Variants in KPNA5 observed in about 807,000 individuals in gnomAD.
KPNA5 encodes karyopherin subunit alpha 5, also known as importin subunit alpha-6.
A neutral mutation model predicts 71.3 loss-of-function variants in KPNA5; 46 were observed. The ratio of observed to expected loss-of-function variants is 0.65; its 90% CI spans 0.51 to 0.83. The LOEUF is 0.83. KPNA5 is among the 40% of genes least tolerant of loss of function. The pLI, the probability that KPNA5 is intolerant of heterozygous loss-of-function variation, is 0.00. For synonymous variants in KPNA5, 207 were observed against 201.4 expected, an observed-to-expected ratio of 1.03 and a Z score of -0.24; for missense variants, 547 against 628.3, an observed-to-expected ratio of 0.87 and a Z score of 1.38.
rs745858433 is a variant in KPNA5, at chr6:116,692,300, T to C, written c.248T>C (p.Val83Ala). The change falls in exon 4 of 14, where the codon GTT (valine) becomes GCT (alanine). Residue 83 changes from valine to alanine, a missense_variant. Coordinates refer to ENST00000368564, the MANE Select transcript of KPNA5 (RefSeq NM_001366306.2). ...SSTVPIPEEE[V>A]VTTDMVQMIF... Reference sequence around the variant, plus strand: ...TTTGTGTGTGTGTTTTAGGAAGAAGTTGTTACTACAGATATGGTTCAGATG... The same window carrying C: ...TTTGTGTGTGTGTTTTAGGAAGAAGCTGTTACTACAGATATGGTTCAGATG... The C allele has an allele frequency of 1.3e-6, 2 of 1,583,876 alleles. No individual in the cohort carries two copies. The highest frequency in any genetic ancestry group is 1.8e-5 in the Admixed American group (1 of 55,384).
At chr6:116,699,195 A>T (rs1778140955) in intron 5 of KPNA5, among the ~76,000 whole-genome samples, 1 of 152,178 alleles carries the variant, frequency 6.6e-6, no homozygotes, top group African/African-American at 2.4e-5. Context: ...TTTTCAAAAC[A>T]GAATAAATTA....
In KPNA5 at chr6:116,738,090, T is replaced by C. The variant is rs1779735523; in HGVS notation, c.*5767T>C. The C allele has an allele frequency of 2.0e-5, 3 of 151,882 alleles. No homozygotes were observed. In the South Asian group the frequency reaches 6.2e-4, roughly 31 times the overall value. 9.4% of individuals were successfully genotyped at this position (151,882 alleles called of 1,614,324 possible). A position where few individuals can be genotyped will look rare whatever the true frequency, so the allele number is the denominator to read the frequency against. ...TGATTTATTCGTGACCTATGAAAAT[T>C]GACAGACCGTTAGCAAGACTAATAA... On this transcript the variant is annotated 3_prime_UTR_variant, in exon 14 of 14. Transcript: ENST00000368564.
chr6:116,703,388 G>A (rs1356855023), intron 6 of KPNA5, among the ~76,000 whole-genome samples: 2 of 151,654 alleles, frequency 1.3e-5, no homozygotes, highest in African/African-American at 4.8e-5. Context: ...TCAGCCTTCC[G>A]AGTAGCTGGG....
intron 8 of KPNA5, among the ~76,000 whole-genome samples, chr6:116,721,256 A>G (rs139708809): frequency 1.4e-3 from 208 of 152,374 alleles, no homozygotes; most frequent in Admixed American, 2.9e-3. Flanking sequence ...AAAATATTAG[A>G]ACATTTAAGA....
chr6:116,728,189 T>C (rs192778306), intron 12 of KPNA5, among the ~76,000 whole-genome samples: 61 of 152,232 alleles, frequency 4.0e-4, no homozygotes, highest in South Asian at 8.3e-4. Context: ...CTTCCTTTGT[T>C]CTATTTTGTA....
intron 6 of KPNA5, among the ~76,000 whole-genome samples, chr6:116,703,483 G>A (rs961873254): frequency 1.8e-4 from 28 of 151,890 alleles, no homozygotes; most frequent in African/African-American, 6.8e-4. Context: ...GGCTGGTTTC[G>A]AACTCCTGAC....
rs1382690121 is a variant in KPNA5, at chr6:116,739,165, A to C, written c.*6842A>C. 6.6e-6 allele frequency: 1 copy of C among 152,254 alleles called. No individual in the cohort carries two copies. Among genetic ancestry groups the C allele is most frequent in the Non-Finnish European group, 1.5e-5 (1 of 68,062 alleles). 9.4% of individuals were successfully genotyped at this position (152,254 alleles called of 1,614,324 possible). A position where few individuals can be genotyped will look rare whatever the true frequency, so the allele number is the denominator to read the frequency against. ...CAACTTCAGCAAAGTCTCAGGATACAAAATCAATGTACAAAAATCACAAGA... is the reference window on the plus strand; with the variant it reads ...CAACTTCAGCAAAGTCTCAGGATACCAAATCAATGTACAAAAATCACAAGA... On this transcript the variant is annotated 3_prime_UTR_variant, in exon 14 of 14. Coordinates refer to ENST00000368564, the MANE Select transcript of KPNA5 (RefSeq NM_001366306.2).
chr6:116,731,895 A>G (rs1264174860), intron 13 of KPNA5, among the ~76,000 whole-genome samples: 2 of 151,584 alleles, frequency 1.3e-5, no homozygotes, highest in East Asian at 1.9e-4. Flanking sequence ...TCCCAGGCCT[A>G]TGGTCCTTCT....
chr6:116,723,649 C>T (rs1285234651), intron 9 of KPNA5, among the ~76,000 whole-genome samples: 3 of 151,884 alleles, frequency 2.0e-5, no homozygotes, highest in Non-Finnish European at 4.4e-5. Context: ...ATATGAAACC[C>T]ATAAGTCCAC....
chr6:116,691,061 T>C (rs1050699337), intron 2 of KPNA5, among the ~76,000 whole-genome samples: 3 of 152,090 alleles, frequency 2.0e-5, no homozygotes, highest in African/African-American at 7.2e-5. Flanking sequence ...AAACCCCGTC[T>C]CTACTAAAAA....
chr6:116,692,509 T>G (rs1050045588), intron 4 of KPNA5, 117 bp downstream of exon 4: 6 of 657,332 alleles, frequency 9.1e-6, no homozygotes, highest in Non-Finnish European at 1.6e-5. Context: ...AGGTGTTATA[T>G]TCTCTGCAAA....
intron 13 of KPNA5, among the ~76,000 whole-genome samples, chr6:116,730,719 T>C (rs931255484): frequency 1.3e-5 from 2 of 152,180 alleles, no homozygotes; most frequent in African/African-American, 4.8e-5. Flanking sequence ...ACTCAGCAGA[T>C]GTAAAATAGT....
chr6:116,721,644 A>G (rs568205638), intron 8 of KPNA5, among the ~76,000 whole-genome samples: 1 of 152,304 alleles, frequency 6.6e-6, no homozygotes, highest in Admixed American at 6.5e-5. Context: ...ATAGTTTATT[A>G]ATGACTTCCA....
chr6:116,694,023 G>C (rs1374830561), intron 4 of KPNA5, among the ~76,000 whole-genome samples: 1 of 152,156 alleles, frequency 6.6e-6, no homozygotes, highest in African/African-American at 2.4e-5. Context: ...TTTTTGTCAG[G>C]TTTGTCAAAG....
intron 3 of KPNA5, 48 bp from the exon 4 acceptor site, chr6:116,692,245 C>T (rs1286055072): frequency 7.0e-7 from 1 of 1,422,906 alleles, no homozygotes; most frequent in Non-Finnish European, 9.8e-7. Flanking sequence ...CAAAATTATT[C>T]ATGTAAAATA....
At chr6:116,721,892 A>C (rs1279313982) in intron 8 of KPNA5, among the ~76,000 whole-genome samples, 1 of 152,142 alleles carries the variant, frequency 6.6e-6, no homozygotes, top group Non-Finnish European at 1.5e-5. Flanking sequence ...AGAGATCTCA[A>C]ATATTTTACT....
intron 7 of KPNA5, among the ~76,000 whole-genome samples, chr6:116,712,960 T>C (rs1424597703): frequency 6.6e-6 from 1 of 152,176 alleles, no homozygotes; most frequent in Non-Finnish European, 1.5e-5. Flanking sequence ...AAAACACTAC[T>C]CCTATACATA....
rs1679016151 is a variant in KPNA5, at chr6:116,733,453, C to T, written c.*1130C>T. The T allele has an allele frequency of 6.6e-6, 1 of 151,612 alleles. No homozygotes were observed. Among genetic ancestry groups the T allele is most frequent in the African/African-American group, 2.4e-5 (1 of 41,462 alleles). 9.4% of individuals were successfully genotyped at this position (151,612 alleles called of 1,614,324 possible). A position where few individuals can be genotyped will look rare whatever the true frequency, so the allele number is the denominator to read the frequency against. On this transcript the variant is annotated 3_prime_UTR_variant, in exon 14 of 14. Coordinates refer to ENST00000368564, the MANE Select transcript of KPNA5 (RefSeq NM_001366306.2). Reference sequence around the variant, plus strand: ...AAGACTTTTTTCTTTTAGTAATACTCAGAGGGTCATTCTGCTGCTTGTTAT... The same window carrying T: ...AAGACTTTTTTCTTTTAGTAATACTTAGAGGGTCATTCTGCTGCTTGTTAT...
intron 7 of KPNA5, among the ~76,000 whole-genome samples, chr6:116,712,361 C>T (rs1263173670): frequency 2.0e-5 from 3 of 152,184 alleles, no homozygotes; most frequent in Non-Finnish European, 2.9e-5. Flanking sequence ...ATTCGGATCT[C>T]TGTTATTATT....
Sources: allele counts gnomAD v4.1 joint callset (sites outside exome capture counted in the v4.1 genomes callset), GRCh38; gene constraint gnomAD v4.1.1; transcripts MANE v1.5; gene names NCBI Gene and HGNC (gene_info 2026-07-23, HGNC 2026-07-21).